Variants in KCNMB2 observed in about 807,000 individuals in gnomAD.
KCNMB2 encodes the protein calcium-activated potassium channel subunit beta-2.
Under a neutral mutation model 24.5 loss-of-function variants are expected in KCNMB2, and 9 were observed. That is an observed-to-expected ratio of 0.37 (90% CI 0.22 to 0.64). KCNMB2 has a LOEUF of 0.64. Among genes scored for constraint, KCNMB2 ranks in the 30% least tolerant of loss-of-function variants. The pLI, the probability that KCNMB2 is intolerant of heterozygous loss-of-function variation, is 0.63. For missense variants in KCNMB2, 226 were observed against 284.3 expected, an observed-to-expected ratio of 0.79 and a Z score of 1.47; for synonymous variants, 109 against 104.4, an observed-to-expected ratio of 1.04 and a Z score of -0.27.
intron 1 of KCNMB2, among the ~76,000 whole-genome samples, chr3:178,730,889 A>G (rs1462990893): frequency 3.3e-5 from 5 of 152,158 alleles, no homozygotes; most frequent in Admixed American, 2.6e-4. Flanking sequence ...CCCTGACTAC[A>G]CAATCTAAAA....
At chr3:178,633,877 C>T (rs975016331) in intron 1 of KCNMB2, among the ~76,000 whole-genome samples, 1 of 152,228 alleles carries the variant, frequency 6.6e-6, no homozygotes, top group Non-Finnish European at 1.5e-5. Context: ...TTAGAAATTT[C>T]TTCTGCCAGA....
intron 1 of KCNMB2, among the ~76,000 whole-genome samples, chr3:178,613,341 G>A (rs141742305): frequency 3.3e-4 from 51 of 152,332 alleles, no homozygotes; most frequent in South Asian, 1.2e-3. Context: ...AGGTTGCCGT[G>A]AGCCAAGATT....
At chr3:178,715,386 T>G (rs1474220457) in intron 1 of KCNMB2, among the ~76,000 whole-genome samples, 6 of 151,556 alleles carry the variant, frequency 4.0e-5, no homozygotes, top group African/African-American at 9.7e-5. Context: ...TTTTTTGGTT[T>G]CAGAAAGTTG....
intron 1 of KCNMB2, among the ~76,000 whole-genome samples, chr3:178,727,741 T>G (rs1458926244): frequency 6.6e-6 from 1 of 152,212 alleles, no homozygotes; most frequent in Non-Finnish European, 1.5e-5. Flanking sequence ...AATGCATCAC[T>G]GCACACACCT....
chr3:178,803,386 A>G (rs1235076477), intron 1 of KCNMB2, among the ~76,000 whole-genome samples: 2 of 152,224 alleles, frequency 1.3e-5, no homozygotes, highest in African/African-American at 4.8e-5. Flanking sequence ...GAAAGAGAAG[A>G]AGTAGAGAGT....
At chr3:178,585,279 C>G (rs1484769304) in intron 1 of KCNMB2, among the ~76,000 whole-genome samples, 1 of 152,120 alleles carries the variant, frequency 6.6e-6, no homozygotes, top group Non-Finnish European at 1.5e-5. Flanking sequence ...CTCTTTTGTC[C>G]CACATGATGC....
At position 178,634,987 on chromosome 3, in the gene KCNMB2, T is replaced by C. The variant is rs1719463848; in HGVS notation, c.-68+98276T>C. ...TCAGTGGGGAGGAAAATTTTCCCCT[T>C]TCCCTGTCCCATATTGAGGCTCCTG... is the stretch of plus-strand genomic sequence containing the variant. On this transcript the variant is annotated intron_variant, in intron 1 of 4. Transcript: ENST00000452583. 2.0e-5 allele frequency among the ~76,000 whole-genome samples: 3 copies of C among 152,098 alleles called. No homozygotes were observed. The South Asian group carries it at 6.2e-4, about 31-fold the overall frequency.
intron 1 of KCNMB2, among the ~76,000 whole-genome samples, chr3:178,768,705 G>C (rs977922131): frequency 4.6e-5 from 7 of 152,136 alleles, no homozygotes; most frequent in African/African-American, 1.7e-4. Flanking sequence ...CCCATTTCTA[G>C]AGAGAGGCAA....
chr3:178,568,839 A>G (rs1307733804), intron 1 of KCNMB2, among the ~76,000 whole-genome samples: 2 of 78,580 alleles, frequency 2.5e-5, no homozygotes, highest in African/African-American at 8.0e-5. Flanking sequence ...GATGATAGAT[A>G]GATAGATAGA....
intron 1 of KCNMB2, among the ~76,000 whole-genome samples, chr3:178,537,571 T>A (rs1339311883): frequency 1.3e-5 from 2 of 152,246 alleles, no homozygotes. Flanking sequence ...GAACTTATTA[T>A]ACTGCTTTGT....
At chr3:178,760,280 CTA>C (rs561543716) in intron 1 of KCNMB2, among the ~76,000 whole-genome samples, 3 of 67,676 alleles carry the variant, frequency 4.4e-5, no homozygotes, top group Admixed American at 1.9e-4. Context: ...GAGGATATAT[CTA>C]TATATAGATA....
intron 1 of KCNMB2, among the ~76,000 whole-genome samples, chr3:178,718,114 C>G (rs1278234427): frequency 6.6e-6 from 1 of 152,228 alleles, no homozygotes; most frequent in Non-Finnish European, 1.5e-5. Context: ...TGCTGTCCTT[C>G]TATCAGCAGG....
chr3:178,604,402 TAA>T (rs5854815), intron 1 of KCNMB2, among the ~76,000 whole-genome samples: 259 of 145,988 alleles, frequency 1.8e-3, no homozygotes, highest in Middle Eastern at 0.011. Flanking sequence ...TGAAGTGGTT[TAA>T]AAAAAAAAAA....
At chr3:178,815,217 C>T (rs1714359340) in intron 2 of KCNMB2, among the ~76,000 whole-genome samples, 1 of 152,106 alleles carries the variant, frequency 6.6e-6, no homozygotes, top group Non-Finnish European at 1.5e-5. Context: ...TGATTCACTG[C>T]AGCCTTGAAA....
At chr3:178,841,564 G>A (rs1209117049) in intron 4 of KCNMB2, 1 of 152,216 alleles carries the variant, frequency 6.6e-6, no homozygotes, top group Non-Finnish European at 1.5e-5. Flanking sequence ...TGGATGGGAA[G>A]GCCTCAGGGA....
At chr3:178,754,177 T>TACACAC (rs1282906632) in intron 1 of KCNMB2, among the ~76,000 whole-genome samples, 48 of 117,216 alleles carry the variant, frequency 4.1e-4, no homozygotes, top group Admixed American at 6.1e-4. Flanking sequence ...TATATATATA[T>TACACAC]ACACACACAC....
intron 1 of KCNMB2, among the ~76,000 whole-genome samples, chr3:178,682,237 T>C (rs1721295569): frequency 1.3e-5 from 2 of 152,282 alleles, no homozygotes; most frequent in East Asian, 1.9e-4. Context: ...ATCTGTGAAA[T>C]ACAAGGAATA....
rs765629089 is a variant in KCNMB2, at chr3:178,828,222, T to C, written c.272T>C (p.Ile91Thr). Residue 91 changes from isoleucine (I) to threonine (T), a missense_variant, in exon 4 of 5, where the codon ATC (isoleucine) becomes ACC (threonine). Transcript: ENST00000452583. Reference protein sequence around the residue: ...ESQCTLLNASITETFNCSFSC... With the variant: ...ESQCTLLNASTTETFNCSFSC... ...CAATGCACCTTGCTGAATGCGTCCA[T>C]CACGGAAACATTTAATTGCTCCTTC... The C allele has an allele frequency of 1.9e-5, 30 of 1,613,926 alleles. No individual in the cohort carries two copies. The South Asian group carries it at 3.1e-4, about 17-fold the overall frequency.
intron 1 of KCNMB2, among the ~76,000 whole-genome samples, chr3:178,746,552 G>A (rs1723675876): frequency 6.6e-6 from 1 of 152,164 alleles, no homozygotes; most frequent in African/African-American, 2.4e-5. Context: ...CAGCCGGCTT[G>A]AATTTCTTCT....
Sources: allele counts gnomAD v4.1 joint callset (sites outside exome capture counted in the v4.1 genomes callset), GRCh38; gene constraint gnomAD v4.1.1; transcripts MANE v1.5; gene names NCBI Gene and HGNC (gene_info 2026-07-23, HGNC 2026-07-21).